The following PIEZO1 variants were observed in gnomAD, a reference collection of about 807,000 sequenced individuals.
PIEZO1 encodes piezo type mechanosensitive ion channel component 1 (Er blood group).
Under a neutral mutation model 297.2 loss-of-function variants are expected in PIEZO1, and 296 were observed. The ratio of observed to expected loss-of-function variants is 1.00; its 90% CI spans 0.91 to 1.10. The LOEUF (loss-of-function observed/expected upper bound fraction) is 1.10, where lower values mean the gene tolerates loss of function less well. PIEZO1 is among the 50% of genes least tolerant of loss of function. The pLI is 0.00. For missense variants in PIEZO1, 5,018 were observed against 3,455.5 expected (o/e 1.45, Z -11.34); for synonymous variants, 2,427 against 1,507.5 (o/e 1.61, Z -14.13).
chr16:88,720,622 A>C lies in PIEZO1; in HGVS notation c.5795T>G (p.Leu1932Arg), dbSNP rs750968007. 36 of 1,543,102 alleles carry C rather than the reference A, an allele frequency of 2.3e-5. No individual in the cohort carries two copies. The highest frequency in any genetic ancestry group is 3.0e-5 in the Non-Finnish European group (34 of 1,145,050). ...CCCGGCCGCCATCACTCACAGGGACAGGCAGAAGCCCTGCAGCCGCCGCCC... is the reference window on the plus strand; with the variant it reads ...CCCGGCCGCCATCACTCACAGGGACCGGCAGAAGCCCTGCAGCCGCCGCCC... Reference protein sequence around the residue: ...AAGRRLQGFCLSLAQGTYRPL... With the variant: ...AAGRRLQGFCRSLAQGTYRPL... Residue 1932 changes from leucine (L) to arginine (R), a missense_variant, in exon 40 of 51, where the codon CTG becomes CGG. Coordinates refer to ENST00000301015, the MANE Select transcript of PIEZO1 (RefSeq NM_001142864.4).
Position 88,735,163 on chromosome 16 carries a change from C to A in PIEZO1, c.1641G>T (p.Ala547=), listed in dbSNP as rs538102347. 7.7e-6 allele frequency: 12 copies of A among 1,550,188 alleles called. No individual in the cohort carries two copies. Among genetic ancestry groups the A allele is most frequent in the Non-Finnish European group, 1.0e-5 (12 of 1,146,888 alleles). ...KLLKWAESPA[A]LTEVTVADTE... is the part of the protein sequence containing the mutation. ...TGTCTGCCACGGTGACCTCCGTCAG[C>A]GCAGCTGGAGACTCTGCCCACTTCA... Residue 547 remains alanine, a synonymous_variant, in exon 13 of 51, where the codon GCG becomes GCT. Coordinates refer to ENST00000301015, the MANE Select transcript of PIEZO1 (RefSeq NM_001142864.4).
Position 88,726,730 on chromosome 16 carries a change from G to A in PIEZO1, c.3684C>T (p.Ser1228=), listed in dbSNP as rs1323034118. The change falls in exon 25 of 51, where the codon TCC becomes TCT. Residue 1228 remains serine, a synonymous_variant. Coordinates refer to ENST00000301015, the MANE Select transcript of PIEZO1 (RefSeq NM_001142864.4). The part of the protein sequence containing the change: ...LILYNVTVII[S]KNMLSLLACV... ...GGAGGCTCACCGACAGCATGTTCTTGGAGATGATGACGGTGACGTTGTACA... is the reference window on the plus strand; with the variant it reads ...GGAGGCTCACCGACAGCATGTTCTTAGAGATGATGACGGTGACGTTGTACA... The A allele has an allele frequency of 2.6e-6, 4 of 1,549,896 alleles. No homozygotes were observed. Among genetic ancestry groups the A allele is most frequent in the African/African-American group, 1.4e-5 (1 of 73,022 alleles).
In PIEZO1 at chr16:88,742,071, C is replaced by T. The variant is rs951851993; in HGVS notation, c.308G>A (p.Arg103Gln). 1.2e-5 allele frequency: 18 copies of T among 1,535,934 alleles called. No homozygotes were observed. The highest frequency in any genetic ancestry group is 6.9e-5 in the African/African-American group (5 of 72,980). Residue 103 changes from arginine to glutamine, a missense_variant, in exon 4 of 51, where the codon CGA becomes CAA. Coordinates refer to ENST00000301015, the MANE Select transcript of PIEZO1 (RefSeq NM_001142864.4). ...GTCTTACCTTGTGACCCCTATGTGT[C>T]GCGAGAGGGTCTCCCAGCGGCTGCC... Reference protein sequence around the residue: ...PSCSRWETLSRHIGVTRLDLK... With the variant: ...PSCSRWETLSQHIGVTRLDLK...
rs573353481 is a variant in PIEZO1, at chr16:88,716,599, T to A, written c.6886A>T (p.Thr2296Ser). Residue 2296 changes from threonine to serine, a missense_variant, in exon 47 of 51, where the codon ACG (threonine) becomes TCG (serine). Thr to Ser is a moderately conservative substitution (Grantham distance 58). Transcript: ENST00000301015. ...AQMKRELYNG[T>S]ADITLRFTWN... ...GTGAAGCGCAGGGTGATGTCGGCCG[T>A]GCCGTTGTAGAGCTCCCGCTTCATC... The A allele has an allele frequency of 6.5e-7, 1 of 1,548,898 alleles. No homozygotes were observed. The highest frequency in any genetic ancestry group is 1.4e-5 in the African/African-American group (1 of 73,180).
At chr16:88,738,823 G>C in intron 5 of PIEZO1, 87 bp from the exon 6 acceptor site, 1 of 1,258,564 alleles carries the variant, frequency 7.9e-7, no homozygotes, top group East Asian at 2.6e-5. Flanking sequence ...AGGAGCGTGG[G>C]AGGCGGCCAC....
At position 88,715,676 on chromosome 16, in the gene PIEZO1, A is replaced by G. The variant is rs35736353; in HGVS notation, c.7495T>C (p.Leu2499=). ...ETRELELEEE[L]YAKLIFLYRS... ...TAGAGGAAGATGAGCTTGGCGTACA[A>G]CTCCTCCTCCAGCTCCAGCTCCCGA... Residue 2499 remains leucine, a synonymous_variant, in exon 51 of 51, where the codon TTG becomes CTG. Coordinates refer to ENST00000301015, the MANE Select transcript of PIEZO1 (RefSeq NM_001142864.4). The G allele has an allele frequency of 4.8e-4, 746 of 1,549,806 alleles. 3 individuals are homozygous for G. The African/African-American group carries it at 8.8e-3, about 18-fold the overall frequency.
At chr16:88,723,057 A>G in intron 33 of PIEZO1, 38 bp downstream of exon 33, 1 of 1,545,144 alleles carries the variant, frequency 6.5e-7, no homozygotes, top group South Asian at 1.2e-5. Context: ...TGTGGGGCCA[A>G]GAGAGACCTC....
intron 27 of PIEZO1, 199 bp from the exon 28 acceptor site, chr16:88,725,883 A>G: frequency 5.1e-6 from 3 of 590,944 alleles, no homozygotes; most frequent in East Asian, 5.7e-5. Context: ...TCTGCCGTAC[A>G]GATGCAGGGG....
chr16:88,716,811 G>A lies in PIEZO1; in HGVS notation c.6748C>T (p.Gln2250Ter). The A allele has an allele frequency of 1.3e-6, 2 of 1,549,980 alleles. No individual in the cohort carries two copies. Among genetic ancestry groups the A allele is most frequent in the Non-Finnish European group, 1.7e-6 (2 of 1,146,926 alleles). ...YEELSRQFDP[Q>*]PLAMQFISQY... ...ACAGGGCAGAGGCCACTTACCGGCTGGGGGTCAAACTGCCGGGACAGCTCC... is the reference window on the plus strand; with the variant it reads ...ACAGGGCAGAGGCCACTTACCGGCTAGGGGTCAAACTGCCGGGACAGCTCC... Residue 2250 changes from glutamine to a stop codon, truncating the protein, a stop_gained, in exon 46 of 51, where the codon CAG (glutamine) becomes TAG (stop). Coordinates refer to ENST00000301015, the MANE Select transcript of PIEZO1 (RefSeq NM_001142864.4). LOFTEE classifies it high-confidence loss of function.
chr16:88,777,516 G>A (rs532076530), intron 1 of PIEZO1, among the ~76,000 whole-genome samples: 13 of 151,112 alleles, frequency 8.6e-5, no homozygotes, highest in East Asian at 7.8e-4. Context: ...GACACATTGC[G>A]GGGTCCTCAT....
chr16:88,749,438 G>A lies in PIEZO1; in HGVS notation c.106C>T (p.Leu36Phe). ...AACCAGGGCAGCAGCAGCAGGAAGA[G>A]CAGGTAGACCAGCGAGAGTCCGCTG... ...RFSGLSLVYL[L>F]FLLLLPWFPG... Residue 36 changes from leucine to phenylalanine, a missense_variant, in exon 2 of 51, where the codon CTC becomes TTC. By Grantham distance (22) the Leu-to-Phe change is conservative (BLOSUM62 0). Coordinates refer to ENST00000301015, the MANE Select transcript of PIEZO1 (RefSeq NM_001142864.4). The A allele has an allele frequency of 1.3e-6, 2 of 1,524,020 alleles. No homozygotes were observed. Among genetic ancestry groups the A allele is most frequent in the Non-Finnish European group, 1.8e-6 (2 of 1,142,206 alleles). 94.4% of individuals were successfully genotyped at this position (1,524,020 alleles called of 1,614,324 possible). A position where few individuals can be genotyped will look rare whatever the true frequency, so the allele number is the denominator to read the frequency against.
intron 30 of PIEZO1, among the ~76,000 whole-genome samples, chr16:88,724,197 A>G (rs1904308601): frequency 6.6e-6 from 1 of 152,232 alleles, no homozygotes; most frequent in Non-Finnish European, 1.5e-5. Flanking sequence ...GGCCGACTGC[A>G]GAGGACCGGG....
In PIEZO1 at chr16:88,715,610, C is replaced by G. The variant is rs73262683; in HGVS notation, c.7561G>C (p.Glu2521Gln). The change falls in exon 51 of 51, where the codon GAG becomes CAG. Residue 2521 changes from glutamate (E) to glutamine (Q), a missense_variant. Physicochemically the swap from Glu to Gln is conservative, Grantham distance 29. Transcript: ENST00000301015. The stretch of plus-strand genomic sequence containing the variant: ...TCGGGCGCCAGCAGCAGCTCCTACT[C>G]CTTCTCACGAGTCCACTTGATCATG... ...ETMIKWTREK[E>Q] The G allele has an allele frequency of 1.9e-4, 293 of 1,549,802 alleles. 1 individual carries two copies. The African/African-American group carries it at 3.5e-3, about 19-fold the overall frequency.
Position 88,720,490 on chromosome 16 carries a change from G to T in PIEZO1, c.5844C>A (p.Asp1948Glu). Residue 1948 changes from aspartate (D) to glutamate (E), a missense_variant, in exon 41 of 51, where the codon GAC becomes GAA. Coordinates refer to ENST00000301015, the MANE Select transcript of PIEZO1 (RefSeq NM_001142864.4). ...TYRPLRRFFH[D>E]ILHTKYRAAT... ...CTGCGCGGTACTTGGTGTGCAGGAT[G>T]TCGTGGAAGAAGCGCCGTAGCGGCC... 6.4e-7 allele frequency: 1 copy of T among 1,550,422 alleles called. No homozygotes were observed.
At chr16:88,763,586 G>T (rs1346603296) in intron 1 of PIEZO1, among the ~76,000 whole-genome samples, 2 of 152,216 alleles carry the variant, frequency 1.3e-5, no homozygotes, top group Admixed American at 6.5e-5. Flanking sequence ...CTGCCAGCCA[G>T]GGTCTGGCGT....
In PIEZO1 at chr16:88,720,022, G is replaced by A. The variant is rs563596615; in HGVS notation, c.6164+47C>T. The A allele has an allele frequency of 7.9e-4, 1,226 of 1,548,828 alleles. 5 individuals are homozygous for A. Among genetic ancestry groups the A allele is most frequent in the Middle Eastern group, 1.7e-3 (10 of 6,010 alleles). On this transcript the variant is annotated intron_variant, in intron 42 of 50. Coordinates refer to ENST00000301015, the MANE Select transcript of PIEZO1 (RefSeq NM_001142864.4). ...AACAGCCCCGCAGGGCCCCCAGCCT[G>A]CACTGCCCCGCCCCTGGAGACCGAG...
intron 44 of PIEZO1, 172 bp from the exon 45 acceptor site, chr16:88,717,383 G>T (rs970089851): frequency 1.5e-6 from 1 of 662,732 alleles, no homozygotes; most frequent in Non-Finnish European, 2.7e-6. Context: ...TAAGAGTCCA[G>T]TTGGAACCCT....
At chr16:88,741,260 T>A (rs927892631) in intron 5 of PIEZO1, 2 of 505,196 alleles carry the variant, frequency 4.0e-6, no homozygotes, top group Admixed American at 3.5e-5. Flanking sequence ...CGTGGAGGTT[T>A]CTGACTAGAG....
Position 88,717,006 on chromosome 16 carries a change from G to C in PIEZO1, c.6660+17C>G, listed in dbSNP as rs79934624. Reference sequence around the variant, plus strand: ...CCCAGGGGATGGGAATGGACAGGCGGACCCACACATGCTCACCTCATAGCC... The same window carrying C: ...CCCAGGGGATGGGAATGGACAGGCGCACCCACACATGCTCACCTCATAGCC... On this transcript the variant is annotated intron_variant, in intron 45 of 50. Coordinates refer to ENST00000301015, the MANE Select transcript of PIEZO1 (RefSeq NM_001142864.4). 6.5e-7 allele frequency: 1 copy of C among 1,549,298 alleles called. No individual in the cohort carries two copies. The highest frequency in any genetic ancestry group is 1.4e-5 in the African/African-American group (1 of 73,026).
Sources: gnomAD v4.1 joint callset for allele counts (sites outside exome capture counted in the v4.1 genomes callset) on GRCh38, gnomAD v4.1.1 for gene constraint, MANE v1.5 for transcripts, NCBI Gene and HGNC (gene_info 2026-07-23, HGNC 2026-07-21) for gene names.